SLC38A12: variants seen among roughly 807,000 people sequenced by gnomAD.
The protein encoded by SLC38A12 is putative sodium-coupled neutral amino acid transporter 12.
At chr17:74,819,630 T>A in the SLC38A12 span, 3 of 905,026 alleles carry the variant, frequency 3.3e-6, no homozygotes, top group South Asian at 4.4e-5. Flanking sequence ...AGTCCAGGTG[T>A]GCCCAAGTCA....
chr17:74,828,555 C>T, the SLC38A12 span, among the ~76,000 whole-genome samples: 1 of 152,120 alleles, frequency 6.6e-6, no homozygotes, highest in Non-Finnish European at 1.5e-5. Context: ...TTGGGCAGGG[C>T]CCTCTATGGC....
At chr17:74,828,929 C>A in the SLC38A12 span, among the ~76,000 whole-genome samples, 4 of 152,030 alleles carry the variant, frequency 2.6e-5, no homozygotes, top group South Asian at 2.1e-4. Context: ...AGCCCATAGA[C>A]CCCCAGCACA....
At chr17:74,792,301 A>G in the SLC38A12 span, among the ~76,000 whole-genome samples, 3 of 152,026 alleles carry the variant, frequency 2.0e-5, no homozygotes, top group Non-Finnish European at 4.4e-5. Context: ...AAATATGAAA[A>G]TTAGCTGGGC....
the SLC38A12 span, among the ~76,000 whole-genome samples, chr17:74,786,170 G>A: frequency 3.3e-5 from 5 of 152,032 alleles, no homozygotes; most frequent in African/African-American, 9.7e-5. Flanking sequence ...CTCACCAGCC[G>A]GTGCTTCAGG....
the SLC38A12 span, among the ~76,000 whole-genome samples, chr17:74,784,895 A>G: frequency 6.6e-6 from 1 of 152,170 alleles, no homozygotes; most frequent in East Asian, 1.9e-4. Context: ...GAATATTACT[A>G]AAACCCACTG....
At chr17:74,777,272 G>A in the SLC38A12 span, 2 of 1,605,398 alleles carry the variant, frequency 1.2e-6, no homozygotes, top group Non-Finnish European at 1.7e-6. Flanking sequence ...AGGAGCTGCG[G>A]CAGCCGCCGT....
At chr17:74,827,943 C>T in the SLC38A12 span, among the ~76,000 whole-genome samples, 1 of 152,228 alleles carries the variant, frequency 6.6e-6, no homozygotes, top group Non-Finnish European at 1.5e-5. This position sits in a 1 kb window ranked among gnomAD's most constrained non-coding sequence, Gnocchi z 4.7. Context: ...GCCCTGCAGC[C>T]CGGCACCTTC....
At chr17:74,827,281 G>A in the SLC38A12 span, among the ~76,000 whole-genome samples, 4 of 151,102 alleles carry the variant, frequency 2.6e-5, no homozygotes, top group Non-Finnish European at 4.4e-5. The surrounding 1 kb of genome is among the most constrained non-coding windows in gnomAD (Gnocchi z 4.7). Flanking sequence ...ACCCTTCAGC[G>A]TCCCTACAGT....
the SLC38A12 span, among the ~76,000 whole-genome samples, chr17:74,825,544 A>G: frequency 6.6e-6 from 1 of 152,202 alleles, no homozygotes; most frequent in South Asian, 2.1e-4. Context: ...CTGACCTGAG[A>G]GTTCACTTGG....
the SLC38A12 span, among the ~76,000 whole-genome samples, chr17:74,819,044 G>C: frequency 6.6e-6 from 1 of 152,204 alleles, no homozygotes; most frequent in East Asian, 1.9e-4. Context: ...GACCCATGCT[G>C]ACCAGCACCC....
chr17:74,808,975 C>A, the SLC38A12 span, among the ~76,000 whole-genome samples: 1 of 152,190 alleles, frequency 6.6e-6, no homozygotes, highest in Non-Finnish European at 1.5e-5. Flanking sequence ...ATGCCTCCCA[C>A]GCACGGGCTC....
the SLC38A12 span, chr17:74,839,090 A>G: frequency 6.5e-6 from 10 of 1,534,850 alleles, no homozygotes. Flanking sequence ...CAGAAGCACC[A>G]GACCCACCTG....
the SLC38A12 span, chr17:74,835,910 T>C: frequency 1.3e-6 from 2 of 1,585,396 alleles, no homozygotes; most frequent in Non-Finnish European, 8.6e-7. Flanking sequence ...AGGTGACTCC[T>C]CTCTCTCGTT....
chr17:74,781,302 C>CT, the SLC38A12 span, among the ~76,000 whole-genome samples: 15 of 150,350 alleles, frequency 1.0e-4, no homozygotes, highest in African/African-American at 9.8e-5. Context: ...CCATTACTTT[C>CT]TTTTTTTTTT....
At chr17:74,790,231 C>T in the SLC38A12 span, 1 of 1,614,160 alleles carries the variant, frequency 6.2e-7, no homozygotes, top group Non-Finnish European at 8.5e-7. Flanking sequence ...TCCACAGCCT[C>T]AGACAGCGAT....
the SLC38A12 span, among the ~76,000 whole-genome samples, chr17:74,828,026 C>A: frequency 6.6e-6 from 1 of 152,220 alleles, no homozygotes; most frequent in Non-Finnish European, 1.5e-5. Flanking sequence ...GCCTGGAGTG[C>A]CGGTGCCTGA....
At chr17:74,808,915 C>T in the SLC38A12 span, among the ~76,000 whole-genome samples, 1 of 152,204 alleles carries the variant, frequency 6.6e-6, no homozygotes, top group Non-Finnish European at 1.5e-5. Context: ...TGCAGGAGCC[C>T]CCAGTGGGTC....
chr17:74,835,908 CCTCT>C, the SLC38A12 span: 4 of 1,584,556 alleles, frequency 2.5e-6, no homozygotes, highest in African/African-American at 4.0e-5. Flanking sequence ...CCAGGTGACT[CCTCT>C]CTCTCGTTTC....
At chr17:74,820,945 G>A in the SLC38A12 span, among the ~76,000 whole-genome samples, 2 of 152,216 alleles carry the variant, frequency 1.3e-5, no homozygotes, top group African/African-American at 4.8e-5. Flanking sequence ...ATTATGAGAT[G>A]TCAGTCTAAG....
Sources: gnomAD v4.1 joint callset for allele counts (sites outside exome capture counted in the v4.1 genomes callset) on GRCh38, gnomAD v4.1.1 for gene constraint, Gnocchi (gnomAD v3.1) non-coding constraint, MANE v1.5 for transcripts, NCBI Gene and HGNC (gene_info 2026-07-23, HGNC 2026-07-21) for gene names.